VEPH1: variants seen among roughly 807,000 people sequenced by gnomAD.
The protein encoded by VEPH1 is ventricular zone expressed PH domain containing 1, also known as ventricular zone-expressed PH domain-containing protein homolog 1.
VEPH1 carries 80 observed loss-of-function variants against 85.2 expected under a neutral mutation model. The ratio of observed to expected loss-of-function variants is 0.94; its 90% CI spans 0.78 to 1.13. VEPH1 has a LOEUF of 1.13. VEPH1 is among the 50% of genes most tolerant of loss of function. The probability of loss-of-function intolerance (pLI) is 0.00; values close to 1 mark genes in which losing one functional copy is unlikely to be tolerated. For synonymous variants in VEPH1, 297 were observed against 348.0 expected (o/e 0.85, Z 1.63); for missense variants, 955 against 980.5 (o/e 0.97, Z 0.35).
At chr3:157,390,713 T>A (rs2108915745) in intron 6 of VEPH1, among the ~76,000 whole-genome samples, 1 of 152,286 alleles carries the variant, frequency 6.6e-6, no homozygotes, top group African/African-American at 2.4e-5. Flanking sequence ...AAAGCCCCCA[T>A]GACAGCATCT....
intron 6 of VEPH1, among the ~76,000 whole-genome samples, chr3:157,397,467 A>G (rs1386488002): frequency 6.6e-6 from 1 of 152,094 alleles, no homozygotes; most frequent in African/African-American, 2.4e-5. Context: ...TTCTGTGAAG[A>G]ATGTTAATGG....
At chr3:157,312,627 C>T (rs1720226444) in intron 11 of VEPH1, among the ~76,000 whole-genome samples, 1 of 152,136 alleles carries the variant, frequency 6.6e-6, no homozygotes, top group South Asian at 2.1e-4. Context: ...AAACAATGCA[C>T]CTGGAGTCAT....
intron 6 of VEPH1, among the ~76,000 whole-genome samples, chr3:157,395,633 C>A (rs1357818734): frequency 6.6e-6 from 1 of 152,178 alleles, no homozygotes; most frequent in African/African-American, 2.4e-5. Context: ...ACAGGGGACA[C>A]AAATATCTTC....
chr3:157,269,266 A>G (rs556090180), intron 12 of VEPH1, among the ~76,000 whole-genome samples: 1 of 152,366 alleles, frequency 6.6e-6, no homozygotes, highest in African/African-American at 2.4e-5. Flanking sequence ...CCTTAAAGAC[A>G]TGGGTGAATG....
chr3:157,366,445 G>T (rs1378369068), intron 7 of VEPH1, among the ~76,000 whole-genome samples: 2 of 151,994 alleles, frequency 1.3e-5, no homozygotes, highest in African/African-American at 2.4e-5. Context: ...AAGAAAGAAA[G>T]AAAGCACTGC....
At chr3:157,483,123 TACAC>T (rs60205276) in intron 2 of VEPH1, among the ~76,000 whole-genome samples, 2,193 of 147,034 alleles carry the variant, frequency 0.015, 39 homozygotes, top group African/African-American at 0.045. Context: ...TTTAAAAGCA[TACAC>T]ACACACACAC....
intron 7 of VEPH1, among the ~76,000 whole-genome samples, chr3:157,365,351 T>G (rs988347600): frequency 6.6e-6 from 1 of 152,224 alleles, no homozygotes; most frequent in Non-Finnish European, 1.5e-5. Context: ...TTATAACGTA[T>G]GGTGTTAGTA....
chr3:157,458,408 T>A (rs1228267704), intron 4 of VEPH1, among the ~76,000 whole-genome samples: 1 of 152,204 alleles, frequency 6.6e-6, no homozygotes, highest in Non-Finnish European at 1.5e-5. Context: ...CTTTTAGTTA[T>A]GCTGTTAGGT....
intron 2 of VEPH1, among the ~76,000 whole-genome samples, chr3:157,471,361 A>G (rs200957041): frequency 2.0e-5 from 3 of 152,344 alleles, no homozygotes; most frequent in East Asian, 3.9e-4. Flanking sequence ...TCTACATTGC[A>G]AATTATTTAT....
chr3:157,319,929 G>A (rs576004417), intron 9 of VEPH1, among the ~76,000 whole-genome samples: 2 of 152,222 alleles, frequency 1.3e-5, no homozygotes, highest in South Asian at 4.1e-4. Context: ...GTGATATAAG[G>A]CTTCTGTGAA....
chr3:157,394,094 C>T (rs564156158), intron 6 of VEPH1, among the ~76,000 whole-genome samples: 5 of 152,124 alleles, frequency 3.3e-5, no homozygotes, highest in Non-Finnish European at 5.9e-5. Flanking sequence ...AGATATTATC[C>T]GGCATTTGGG....
intron 9 of VEPH1, among the ~76,000 whole-genome samples, chr3:157,358,772 C>T (rs978925386): frequency 2.0e-5 from 3 of 152,076 alleles, no homozygotes; most frequent in Admixed American, 6.6e-5. Context: ...CCGAGATGGG[C>T]GGATCACGAG....
At chr3:157,313,271 T>C (rs548118197) in intron 11 of VEPH1, among the ~76,000 whole-genome samples, 2 of 152,156 alleles carry the variant, frequency 1.3e-5, no homozygotes, top group African/African-American at 4.8e-5. Flanking sequence ...TGGCCTCATA[T>C]TATCCTCCTG....
intron 3 of VEPH1, among the ~76,000 whole-genome samples, chr3:157,468,595 G>T (rs1020341353): frequency 4.0e-5 from 6 of 151,696 alleles, no homozygotes; most frequent in African/African-American, 1.5e-4. Context: ...TAATAATAAT[G>T]ATAATAACAA....
intron 9 of VEPH1, among the ~76,000 whole-genome samples, chr3:157,344,485 C>T (rs1215063363): frequency 6.6e-6 from 1 of 152,138 alleles, no homozygotes; most frequent in Admixed American, 6.5e-5. Context: ...TGTGAAGGAC[C>T]TCTTCAAGGA....
At position 157,484,544 on chromosome 3, in the gene VEPH1, A is replaced by G. The variant is rs1738443471; in HGVS notation, c.138+10668T>C. 3.3e-5 allele frequency among the ~76,000 whole-genome samples: 5 copies of G among 152,366 alleles called. No individual in the cohort carries two copies. The South Asian group carries it at 8.3e-4, about 25-fold the overall frequency. On this transcript the variant is annotated intron_variant, in intron 2 of 13. Transcript: ENST00000362010. ...ACAAATAAAAAAGAAAGGTGAAAAA[A>G]GAAACAGGGAAATATTAGGTACTTT...
At chr3:157,424,068 C>T (rs1211573925) in intron 5 of VEPH1, among the ~76,000 whole-genome samples, 1 of 152,134 alleles carries the variant, frequency 6.6e-6, no homozygotes, top group Non-Finnish European at 1.5e-5. Flanking sequence ...GAATTGTACT[C>T]CCATAATTCC....
At chr3:157,496,485 C>T (rs766726834) in intron 1 of VEPH1, among the ~76,000 whole-genome samples, 3 of 152,222 alleles carry the variant, frequency 2.0e-5, no homozygotes, top group Admixed American at 6.5e-5. Flanking sequence ...TCACAGTTTA[C>T]AGTAGAGTGG....
At chr3:157,453,768 A>C (rs573573285) in intron 4 of VEPH1, among the ~76,000 whole-genome samples, 266 of 152,308 alleles carry the variant, frequency 1.7e-3, no homozygotes, top group Non-Finnish European at 3.3e-3. Flanking sequence ...CTGCTTTGCA[A>C]CTTAAAGTTT....
Sources: gnomAD v4.1 joint callset for allele counts (sites outside exome capture counted in the v4.1 genomes callset) on GRCh38, gnomAD v4.1.1 for gene constraint, MANE v1.5 for transcripts, NCBI Gene and HGNC (gene_info 2026-07-23, HGNC 2026-07-21) for gene names.